CACNA2D1: variants seen among roughly 807,000 people sequenced by gnomAD.
CACNA2D1 encodes the protein calcium voltage-gated channel auxiliary subunit alpha2delta 1, also known as voltage-dependent calcium channel subunit alpha-2/delta-1.
A neutral mutation model predicts 171.5 loss-of-function variants in CACNA2D1; 53 were observed. The observed-to-expected ratio is 0.31, with a 90% confidence interval of 0.25 to 0.39. The LOEUF is 0.39. Among genes scored for constraint, CACNA2D1 ranks in the 10% least tolerant of loss-of-function variants. The pLI is 1.00. For missense variants in CACNA2D1, 903 were observed against 1,299.8 expected, an observed-to-expected ratio of 0.69 and a Z score of 4.69; for synonymous variants, 442 against 443.1, an observed-to-expected ratio of 1.00 and a Z score of 0.03.
intron 1 of CACNA2D1, among the ~76,000 whole-genome samples, chr7:82,375,489 A>T (rs1448376932): frequency 1.3e-5 from 2 of 149,284 alleles, no homozygotes; most frequent in African/African-American, 2.5e-5. Context: ...TCCAGTTCTA[A>T]CCTCTTCTCA....
At chr7:81,967,905 A>G (rs894840717) in intron 29 of CACNA2D1, among the ~76,000 whole-genome samples, 1 of 151,498 alleles carries the variant, frequency 6.6e-6, no homozygotes, top group Non-Finnish European at 1.5e-5. Flanking sequence ...GCTAAATAAA[A>G]AACAGTAGTG....
At chr7:82,263,062 G>C (rs1807335241) in intron 3 of CACNA2D1, among the ~76,000 whole-genome samples, 2 of 149,806 alleles carry the variant, frequency 1.3e-5, no homozygotes, top group South Asian at 4.2e-4. Context: ...CTGGGTCTTT[G>C]AGGCTTCATT....
At position 81,962,510 on chromosome 7, in the gene CACNA2D1, TA is replaced by T. The variant is rs758260884; in HGVS notation, c.2781-16del. On this transcript the variant is annotated splice_polypyrimidine_tract_variant and intron_variant, in intron 34 of 38. Transcript: ENST00000356860. ...GTAGAATAGACCTGAATTTTTCAAA[TA>T]AAAAAAAAATAAACATCTAGGGAAA... 4.7e-3 allele frequency: 6,533 copies of T among 1,400,078 alleles called. No individual in the cohort carries two copies. Among genetic ancestry groups the T allele is most frequent in the Non-Finnish European group, 5.5e-3 (5,603 of 1,027,486 alleles). 86.7% of individuals were successfully genotyped at this position (1,400,078 alleles called of 1,614,324 possible).
Position 82,282,192 on chromosome 7 carries a change from G to A in CACNA2D1, c.294+52943C>T, listed in dbSNP as rs117002739. Among the ~76,000 whole-genome samples, 579 of 152,238 alleles carry A rather than the reference G, an allele frequency of 3.8e-3. 3 individuals carry two copies. The highest frequency in any genetic ancestry group is 5.9e-3 in the Non-Finnish European group (401 of 68,018). ...CCCCGCCTGTAGTCCCAGCTACTTC[G>A]GAGGCTGAGGTAGGAGAATCCCTTG... On this transcript the variant is annotated intron_variant, in intron 3 of 38. Coordinates refer to ENST00000356860, the MANE Select transcript of CACNA2D1 (RefSeq NM_000722.4).
At chr7:82,085,562 T>A (rs1810362416) in intron 6 of CACNA2D1, among the ~76,000 whole-genome samples, 1 of 151,752 alleles carries the variant, frequency 6.6e-6, no homozygotes, top group Admixed American at 6.6e-5. Flanking sequence ...GCATAGCTAA[T>A]TAACTATGTT....
intron 1 of CACNA2D1, among the ~76,000 whole-genome samples, chr7:82,402,933 T>C (rs947868532): frequency 1.3e-5 from 2 of 152,024 alleles, no homozygotes; most frequent in Admixed American, 6.6e-5. Context: ...CGAAAGGCTA[T>C]AATTTAGTTA....
chr7:82,142,138 C>T (rs377742241), intron 4 of CACNA2D1, among the ~76,000 whole-genome samples: 1 of 152,104 alleles, frequency 6.6e-6, no homozygotes, highest in East Asian at 1.9e-4. Context: ...AGGGATTAAA[C>T]CTTTGGAGAG....
intron 36 of CACNA2D1, among the ~76,000 whole-genome samples, chr7:81,961,192 T>C (rs1794073996): frequency 6.6e-6 from 1 of 152,046 alleles, no homozygotes; most frequent in African/African-American, 2.4e-5. Context: ...TGTGACTTGC[T>C]GCTCTCCTCT....
intron 3 of CACNA2D1, among the ~76,000 whole-genome samples, chr7:82,330,492 A>T (rs1817180971): frequency 6.6e-6 from 1 of 152,152 alleles, no homozygotes; most frequent in Non-Finnish European, 1.5e-5. Flanking sequence ...ATAAGAAAAC[A>T]ACCAGCTACA....
At chr7:82,278,088 AC>A (rs1274831783) in intron 3 of CACNA2D1, among the ~76,000 whole-genome samples, 1 of 152,232 alleles carries the variant, frequency 6.6e-6, no homozygotes, top group East Asian at 1.9e-4. Flanking sequence ...CTCTCTGACA[AC>A]AAGGCTCCTC....
At chr7:82,403,691 T>G (rs1226294456) in intron 1 of CACNA2D1, among the ~76,000 whole-genome samples, 5 of 152,172 alleles carry the variant, frequency 3.3e-5, no homozygotes, top group Non-Finnish European at 5.9e-5. Flanking sequence ...CTGATTAACA[T>G]GGAATCAGCA....
At chr7:82,262,411 C>A (rs1233034843) in intron 3 of CACNA2D1, among the ~76,000 whole-genome samples, 1 of 152,082 alleles carries the variant, frequency 6.6e-6, no homozygotes, top group Admixed American at 6.6e-5. Flanking sequence ...ATGTATAGCA[C>A]CATGCTGAGA....
intron 5 of CACNA2D1, among the ~76,000 whole-genome samples, chr7:82,118,619 T>C (rs903055432): frequency 5.3e-5 from 8 of 152,108 alleles, no homozygotes; most frequent in Non-Finnish European, 8.8e-5. Flanking sequence ...TTTCTATTAA[T>C]ATTATAAAGC....
intron 1 of CACNA2D1, among the ~76,000 whole-genome samples, chr7:82,375,804 T>G (rs1822957138): frequency 6.6e-6 from 1 of 152,168 alleles, no homozygotes; most frequent in Non-Finnish European, 1.5e-5. Context: ...CTGTCTTAAT[T>G]GCCCACAGCC....
intron 3 of CACNA2D1, among the ~76,000 whole-genome samples, chr7:82,305,839 A>G (rs1813665316): frequency 6.6e-6 from 1 of 152,188 alleles, no homozygotes; most frequent in Non-Finnish European, 1.5e-5. Flanking sequence ...CGTAACCAAA[A>G]GCTCTTTTGA....
intron 2 of CACNA2D1, among the ~76,000 whole-genome samples, chr7:82,346,802 G>A (rs1377462056): frequency 1.3e-5 from 2 of 152,068 alleles, no homozygotes; most frequent in Non-Finnish European, 1.5e-5. Context: ...AGCATAATCT[G>A]ATATACTCAC....
intron 6 of CACNA2D1, among the ~76,000 whole-genome samples, chr7:82,098,446 A>G (rs1812194456): frequency 6.6e-6 from 1 of 152,178 alleles, no homozygotes; most frequent in Non-Finnish European, 1.5e-5. Flanking sequence ...TGCCTTTTTC[A>G]AAATCATTAT....
At chr7:82,382,200 C>G (rs1033064128) in intron 1 of CACNA2D1, among the ~76,000 whole-genome samples, 1 of 152,154 alleles carries the variant, frequency 6.6e-6, no homozygotes, top group Non-Finnish European at 1.5e-5. Flanking sequence ...TATAGGAATT[C>G]TTTTCAATTT....
chr7:82,188,275 A>C (rs1004225312), intron 3 of CACNA2D1, among the ~76,000 whole-genome samples: 9 of 152,116 alleles, frequency 5.9e-5, no homozygotes, highest in Non-Finnish European at 1.2e-4. Context: ...AAATAGACCA[A>C]AGTATACTAA....
Sources: allele counts gnomAD v4.1 joint callset (sites outside exome capture counted in the v4.1 genomes callset), GRCh38; gene constraint gnomAD v4.1.1; transcripts MANE v1.5; gene names NCBI Gene and HGNC (gene_info 2026-07-23, HGNC 2026-07-21).